TRAT1: variants seen among roughly 807,000 people sequenced by gnomAD.
TRAT1 encodes the protein T-cell receptor-associated transmembrane adapter 1.
A neutral mutation model predicts 20.0 loss-of-function variants in TRAT1; 20 were observed. That is an observed-to-expected ratio of 1.00 (90% CI 0.70 to 1.45). The LOEUF (loss-of-function observed/expected upper bound fraction) is 1.45. Ranked by LOEUF, TRAT1 falls within the 40% of genes most tolerant of loss-of-function variation. The pLI, the probability that TRAT1 is intolerant of heterozygous loss-of-function variation, is 0.00. For synonymous variants in TRAT1, 77 were observed against 74.2 expected, an observed-to-expected ratio of 1.04 and a Z score of -0.20; for missense variants, 237 against 224.1, an observed-to-expected ratio of 1.06 and a Z score of -0.37.
At chr3:108,825,178 C>T (rs1945724842) in intron 1 of TRAT1, among the ~76,000 whole-genome samples, 1 of 152,020 alleles carries the variant, frequency 6.6e-6, no homozygotes, top group South Asian at 2.1e-4. Flanking sequence ...TGAACACACA[C>T]AAAAGAATAA....
At position 108,843,701 on chromosome 3, in the gene TRAT1, C is replaced by T. The variant is rs115064104; in HGVS notation, c.153-3367C>T. Among the ~76,000 whole-genome samples the T allele has an allele frequency of 5.4e-3, 829 of 152,130 alleles. 4 individuals carry two copies. The highest frequency in any genetic ancestry group is 0.01 in the Middle Eastern group (3 of 294). ...CCTCTTTTCCTCTTCTTTCTTGAACCTACTCTATTCCATATGTCCTCACTA... is the reference window on the plus strand; with the variant it reads ...CCTCTTTTCCTCTTCTTTCTTGAACTTACTCTATTCCATATGTCCTCACTA... On this transcript the variant is annotated intron_variant, in intron 3 of 5. Coordinates refer to ENST00000295756, the MANE Select transcript of TRAT1 (RefSeq NM_016388.4).
In TRAT1 at chr3:108,853,134, C is replaced by G. The variant is rs112596609; in HGVS notation, c.304-486C>G. On this transcript the variant is annotated intron_variant, in intron 5 of 5. Coordinates refer to ENST00000295756, the MANE Select transcript of TRAT1 (RefSeq NM_016388.4). ...AGTGAATATTGTTATCTTTATACTT[C>G]TGAATCTTAAAAATGTAGAAAAACT... Among the ~76,000 whole-genome samples, 603 of 152,308 alleles carry G rather than the reference C, an allele frequency of 4.0e-3. 4 individuals are homozygous for G. Among genetic ancestry groups the G allele is most frequent in the Middle Eastern group, 0.017 (5 of 294 alleles).
intron 2 of TRAT1, among the ~76,000 whole-genome samples, chr3:108,833,974 A>G (rs993313158): frequency 6.6e-6 from 1 of 152,090 alleles, no homozygotes; most frequent in African/African-American, 2.4e-5. Flanking sequence ...CATCCCATGT[A>G]ATTTTCACAT....
chr3:108,833,293 C>T (rs1450940549), intron 2 of TRAT1, among the ~76,000 whole-genome samples: 3 of 152,162 alleles, frequency 2.0e-5, no homozygotes, highest in Admixed American at 6.5e-5. Context: ...TGGCGCATGC[C>T]TGTAATCCCA....
At position 108,854,282 on chromosome 3, in the gene TRAT1, G is replaced by GT. The variant is rs1053560682; in HGVS notation, c.*414dup. 20 of 155,326 alleles carry GT rather than the reference G, an allele frequency of 1.3e-4. No individual in the cohort carries two copies. Among genetic ancestry groups the GT allele is most frequent in the South Asian group, 4.0e-4 (2 of 4,980 alleles). 9.6% of individuals were successfully genotyped at this position (155,326 alleles called of 1,614,324 possible). ...TTAGAAGAAAAATAAAAGCCAATGAGTTTTTTTTTAATTCTCCTTTCTCAC... is the reference window on the plus strand; with the variant it reads ...TTAGAAGAAAAATAAAAGCCAATGAGTTTTTTTTTTAATTCTCCTTTCTCAC... On this transcript the variant is annotated 3_prime_UTR_variant, in exon 6 of 6. Transcript: ENST00000295756.
intron 3 of TRAT1, among the ~76,000 whole-genome samples, chr3:108,844,712 C>T (rs1406385234): frequency 1.3e-5 from 2 of 150,728 alleles, no homozygotes; most frequent in Non-Finnish European, 3.0e-5. Flanking sequence ...GGTGTGGTGG[C>T]GGGCGCCTGT....
chr3:108,830,417 CA>C (rs1406473854), intron 1 of TRAT1, among the ~76,000 whole-genome samples: 25 of 152,294 alleles, frequency 1.6e-4, no homozygotes, highest in African/African-American at 6.0e-4. Context: ...AATAGCTACA[CA>C]AAAAAGTCGT....
rs1576516041 is a variant in TRAT1 at position 108,823,939 on chromosome 3, T to G, written c.7+1005T>G. Among the ~76,000 whole-genome samples, 3 of 152,258 alleles carry G rather than the reference T, an allele frequency of 2.0e-5. No individual in the cohort carries two copies. In the South Asian group the frequency reaches 6.2e-4, roughly 32 times the overall value. ...CAGGCAGGAGTGCAGTGGCGCAATC[T>G]TGGCTCACTGCAACCTCTGCCTCCC... On this transcript the variant is annotated intron_variant, in intron 1 of 5. Transcript: ENST00000295756.
chr3:108,828,814 T>C (rs918866564), intron 1 of TRAT1, among the ~76,000 whole-genome samples: 5 of 152,192 alleles, frequency 3.3e-5, no homozygotes, highest in Admixed American at 6.5e-5. Flanking sequence ...TTAGGGCAGA[T>C]TGTATGCTTT....
intron 5 of TRAT1, among the ~76,000 whole-genome samples, chr3:108,851,453 A>G (rs6796621): frequency 0.059 from 8,990 of 152,130 alleles, 363 homozygotes; most frequent in Middle Eastern, 0.14. Flanking sequence ...TTTTCCTCCT[A>G]TGTCAGAAGC....
intron 3 of TRAT1, among the ~76,000 whole-genome samples, chr3:108,842,210 T>C (rs1412174339): frequency 1.3e-5 from 2 of 152,214 alleles, no homozygotes; most frequent in Admixed American, 6.5e-5. Flanking sequence ...TTTCATGAAC[T>C]GCTTCTGGGG....
At chr3:108,847,278 T>G in intron 4 of TRAT1, 149 bp downstream of exon 4, 1 of 527,134 alleles carries the variant, frequency 1.9e-6, no homozygotes, top group Non-Finnish European at 3.3e-6. Flanking sequence ...TTAATTAGGC[T>G]ACATTTCCAA....
At chr3:108,838,260 C>T (rs1945856381) in intron 2 of TRAT1, among the ~76,000 whole-genome samples, 1 of 152,066 alleles carries the variant, frequency 6.6e-6, no homozygotes. Context: ...AAGTCATGAT[C>T]ACAGCAGCTT....
At chr3:108,830,135 T>A (rs888131788) in intron 1 of TRAT1, among the ~76,000 whole-genome samples, 2 of 152,152 alleles carry the variant, frequency 1.3e-5, no homozygotes, top group Non-Finnish European at 2.9e-5. Context: ...TTTACATTCA[T>A]GGGGCTCTAC....
At position 108,830,677 on chromosome 3, in the gene TRAT1, T is replaced by G. The variant is rs747486975; in HGVS notation, c.15T>G (p.Ser5=). The G allele has an allele frequency of 6.2e-6, 10 of 1,608,900 alleles. No individual in the cohort carries two copies. The highest frequency in any genetic ancestry group is 8.5e-6 in the Non-Finnish European group (10 of 1,175,220). The change falls in exon 2 of 6, where the codon TCT becomes TCG. Residue 5 remains serine, a synonymous_variant. Transcript: ENST00000295756. MSGI[S]GCPFFLWGLL... ...GTTTATTTTAATTTCCAGGAATCTCTGGGTGCCCCTTTTTCCTCTGGGGAC... is the reference window on the plus strand; with the variant it reads ...GTTTATTTTAATTTCCAGGAATCTCGGGGTGCCCCTTTTTCCTCTGGGGAC...
intron 2 of TRAT1, among the ~76,000 whole-genome samples, chr3:108,838,395 TAG>T (rs1945860102): frequency 2.8e-5 from 4 of 144,968 alleles, no homozygotes; most frequent in African/African-American, 7.8e-5. Flanking sequence ...GATAGATAGA[TAG>T]ATAGATAGAG....
At chr3:108,835,895 G>GTATTTATT (rs67112821) in intron 2 of TRAT1, among the ~76,000 whole-genome samples, 7 of 150,030 alleles carry the variant, frequency 4.7e-5, no homozygotes, top group South Asian at 2.1e-4. Flanking sequence ...TTGTTTGTTT[G>GTATTTATT]TATTTATTTA....
At chr3:108,847,601 C>T (rs1393054299) in intron 4 of TRAT1, among the ~76,000 whole-genome samples, 3 of 152,132 alleles carry the variant, frequency 2.0e-5, no homozygotes, top group Non-Finnish European at 4.4e-5. Flanking sequence ...GAAAGAGGAA[C>T]TAAATTGTTG....
In TRAT1 at chr3:108,839,342, T is replaced by G. The variant is rs527400472; in HGVS notation, c.152+375T>G. 45 of 185,806 alleles carry G rather than the reference T, an allele frequency of 2.4e-4. 1 individual carries two copies. The highest frequency in any genetic ancestry group is 1.1e-3 in the African/African-American group (45 of 42,312). The allele number at this position is 185,806 out of a possible 1,614,324, so 11.5% of individuals were successfully genotyped here. ...TGGCAACCTAATACAATTTAAGATA[T>G]GTATACACGGGCCAGGCACGGTGGT... On this transcript the variant is annotated intron_variant, in intron 3 of 5. Transcript: ENST00000295756.
Sources: gnomAD v4.1 joint callset for allele counts (sites outside exome capture counted in the v4.1 genomes callset) on GRCh38, gnomAD v4.1.1 for gene constraint, MANE v1.5 for transcripts, NCBI Gene and HGNC (gene_info 2026-07-23, HGNC 2026-07-21) for gene names.